Variants in DDX55 observed in about 807,000 individuals in gnomAD.
DDX55 encodes ATP-dependent RNA helicase DDX55.
Under a neutral mutation model 69.2 loss-of-function variants are expected in DDX55, and 56 were observed. The observed-to-expected ratio is 0.81, with a 90% CI of 0.65 to 1.01. The LOEUF is 1.01. Among genes scored for constraint, DDX55 ranks in the 50% least tolerant of loss-of-function variants. The pLI is 0.00. For missense variants in DDX55, 720 were observed against 745.1 expected (o/e 0.97, Z 0.39); for synonymous variants, 268 against 273.1 (o/e 0.98, Z 0.18).
intron 13 of DDX55, 94 bp downstream of exon 13, chr12:123,619,818 C>T: frequency 6.6e-7 from 1 of 1,517,718 alleles, no homozygotes; most frequent in East Asian, 2.3e-5. Context: ...TGTCAGATTT[C>T]TGTTACGTTG....
intron 1 of DDX55, chr12:123,605,722 C>T: frequency 1.4e-6 from 1 of 693,382 alleles, no homozygotes; most frequent in South Asian, 1.5e-5. Flanking sequence ...CTCCCACCTC[C>T]CAGCTCAGCT....
At chr12:123,606,185 T>C in intron 3 of DDX55, 26 bp downstream of exon 3, 1 of 1,612,044 alleles carries the variant, frequency 6.2e-7, no homozygotes, top group South Asian at 1.1e-5. Flanking sequence ...GTGATTTATT[T>C]TCACCTAGTC....
rs761850100 is a variant in DDX55, at chr12:123,606,160, G to A, written c.246+1G>A. The A allele has an allele frequency of 6.2e-7, 1 of 1,614,020 alleles. No individual in the cohort carries two copies. Among genetic ancestry groups the A allele is most frequent in the Admixed American group, 1.7e-5 (1 of 60,010 alleles). Reference sequence around the variant, plus strand: ...AGAAGAGAAGTTAAAAAAGAGTCAGGTGAGGACAACAAAAGTGATTTATTT... The same window carrying A: ...AGAAGAGAAGTTAAAAAAGAGTCAGATGAGGACAACAAAAGTGATTTATTT... On this transcript the variant is annotated splice_donor_variant, in intron 3 of 13. Coordinates refer to ENST00000238146, the MANE Select transcript of DDX55 (RefSeq NM_020936.3). LOFTEE classifies it high-confidence loss of function.
intron 7 of DDX55, among the ~76,000 whole-genome samples, chr12:123,612,453 G>A (rs749576691): frequency 7.2e-5 from 11 of 152,182 alleles, no homozygotes; most frequent in Non-Finnish European, 1.5e-4. Flanking sequence ...AGTTTGAATG[G>A]AGGACTTGAT....
intron 1 of DDX55, 40 bp from the exon 2 acceptor site, chr12:123,605,891 T>A: frequency 1.2e-6 from 2 of 1,614,130 alleles, no homozygotes; most frequent in Non-Finnish European, 1.7e-6. Context: ...TGTGAATTGA[T>A]GGCATCCTTT....
chr12:123,608,501 C>A (rs1458542025), intron 5 of DDX55, 179 bp from the exon 6 acceptor site: 3 of 687,498 alleles, frequency 4.4e-6, no homozygotes, highest in Non-Finnish European at 7.0e-6. Context: ...AACCCAGATC[C>A]CGTCTCACCA....
chr12:123,613,334 C>A, intron 8 of DDX55, 82 bp downstream of exon 8: 1 of 1,371,806 alleles, frequency 7.3e-7, no homozygotes, highest in African/African-American at 1.5e-5. Context: ...GTTTTGGATT[C>A]CATCTAGCAT....
intron 7 of DDX55, among the ~76,000 whole-genome samples, chr12:123,612,799 C>T (rs1421365521): frequency 1.5e-5 from 2 of 134,426 alleles, no homozygotes; most frequent in African/African-American, 5.7e-5. Context: ...CCAGTCTGGG[C>T]AACATATTGA....
rs1250251932 is a variant in DDX55 at position 123,620,627 on chromosome 12, T to TATAA, written c.*488_*489insTAAA. On this transcript the variant is annotated 3_prime_UTR_variant, in exon 14 of 14. Coordinates refer to ENST00000238146, the MANE Select transcript of DDX55 (RefSeq NM_020936.3). Reference sequence around the variant, plus strand: ...ATATATATATATATATATATATATATAAGCTCTTTTTTCTGAGGCTATTTT... The same window carrying TATAA: ...ATATATATATATATATATATATATATATAAAAGCTCTTTTTTCTGAGGCTATTTT... 389 of 99,792 alleles carry TATAA rather than the reference T, an allele frequency of 3.9e-3. 10 individuals are homozygous for TATAA. Among genetic ancestry groups the TATAA allele is most frequent in the Middle Eastern group, 0.011 (2 of 186 alleles). The allele number at this position is 99,792 out of a possible 1,614,324, so 6.2% of individuals were successfully genotyped here.
Position 123,619,674 on chromosome 12 carries a change from G to C in DDX55, c.1576G>C (p.Ala526Pro), listed in dbSNP as rs1475736325. 7 of 1,579,498 alleles carry C rather than the reference G, an allele frequency of 4.4e-6. No individual in the cohort carries two copies. The highest frequency in any genetic ancestry group is 6.0e-6 in the Non-Finnish European group (7 of 1,171,180). The change falls in exon 13 of 14, where the codon GCC becomes CCC. Residue 526 changes from alanine to proline, a missense_variant. Coordinates refer to ENST00000238146, the MANE Select transcript of DDX55 (RefSeq NM_020936.3). ...AAATAAAGCTTGGTCAAAGCAGAAG[G>C]CCAAAAAAGAAAAGAAGAAAAAAAT... is the stretch of plus-strand genomic sequence containing the variant. Reference protein sequence around the residue: ...IKNKAWSKQKAKKEKKKKMNE... With the variant: ...IKNKAWSKQKPKKEKKKKMNE...
At chr12:123,618,124 C>T in intron 11 of DDX55, 1 of 426,686 alleles carries the variant, frequency 2.3e-6, no homozygotes, top group South Asian at 2.1e-5. Flanking sequence ...TCAATGGATT[C>T]TCCTGCCTCA....
intron 11 of DDX55, 117 bp downstream of exon 11, chr12:123,617,989 T>A: frequency 1.1e-6 from 1 of 893,050 alleles, no homozygotes; most frequent in Non-Finnish European, 1.8e-6. Context: ...GCTGGGCTGG[T>A]GGTGGCAGTG....
rs7973689 is a variant in DDX55, at chr12:123,606,108, C to T, written c.195C>T (p.Ile65=). The T allele has an allele frequency of 0.026, 42,707 of 1,614,060 alleles. 1,619 individuals are homozygous for T. Among genetic ancestry groups the T allele is most frequent in the African/African-American group, 0.18 (13,375 of 74,978 alleles). ...GTGGCAAAACACTCGCTTTTGTCAT[C>T]CCCATCCTGGAAATTCTTCTGAGAA... is the stretch of plus-strand genomic sequence containing the variant. ...TGSGKTLAFV[I]PILEILLRRE... Residue 65 remains isoleucine (I), a synonymous_variant, in exon 3 of 14, where the codon ATC becomes ATT. Transcript: ENST00000238146.
At chr12:123,602,936 T>G (rs1438115004) in intron 1 of DDX55, among the ~76,000 whole-genome samples, 1 of 152,114 alleles carries the variant, frequency 6.6e-6, no homozygotes, top group East Asian at 1.9e-4. Flanking sequence ...CCTCAGTGAT[T>G]GAGAAGGAGC....
intron 1 of DDX55, chr12:123,605,007 T>C (rs1228618315): frequency 6.6e-6 from 1 of 152,190 alleles, no homozygotes; most frequent in African/African-American, 2.4e-5. Flanking sequence ...CTCCCAACCC[T>C]GGTTGTATTT....
intron 5 of DDX55, chr12:123,607,921 G>T (rs960947585): frequency 6.2e-5 from 33 of 531,340 alleles, no homozygotes; most frequent in African/African-American, 5.7e-4. Context: ...GGGGCTGGGG[G>T]ATGGTGAGGA....
chr12:123,610,677 T>C (rs910254045), intron 7 of DDX55, among the ~76,000 whole-genome samples: 7 of 142,742 alleles, frequency 4.9e-5, no homozygotes, highest in Non-Finnish European at 1.1e-4. Context: ...AGTGGCGCGA[T>C]CTCAGCTCAC....
rs983871143 is a variant in DDX55, at chr12:123,607,901, T to C, written c.401+239T>C. The stretch of plus-strand genomic sequence containing the variant: ...GTCAAGAGAACGACGTGAAGATAAA[T>C]GAGTGGTCAGGGGCTGGGGGATGGT... On this transcript the variant is annotated intron_variant, in intron 5 of 13. Transcript: ENST00000238146. 6 of 568,506 alleles carry C rather than the reference T, an allele frequency of 1.1e-5. No individual in the cohort carries two copies. The Admixed American group carries it at 1.2e-4, about 12-fold the overall frequency. 35.2% of individuals were successfully genotyped at this position (568,506 alleles called of 1,614,324 possible).
At chr12:123,617,947 CA>C in intron 11 of DDX55, 75 bp downstream of exon 11, 2 of 1,439,378 alleles carry the variant, frequency 1.4e-6, no homozygotes, top group Non-Finnish European at 1.9e-6. Flanking sequence ...ATGTGGTCAG[CA>C]ATTGAAATTA....
Sources: gnomAD v4.1 joint callset for allele counts (sites outside exome capture counted in the v4.1 genomes callset) on GRCh38, gnomAD v4.1.1 for gene constraint, MANE v1.5 for transcripts, NCBI Gene and HGNC (gene_info 2026-07-23, HGNC 2026-07-21) for gene names.